The following LRRC28 variants were observed in gnomAD, a reference collection of about 807,000 sequenced individuals.
The protein encoded by LRRC28 is leucine rich repeat containing 28.
LRRC28 carries 39 observed loss-of-function variants against 45.7 expected under a neutral mutation model. The ratio of observed to expected loss-of-function variants is 0.85; its 90% CI spans 0.66 to 1.12. The LOEUF (loss-of-function observed/expected upper bound fraction) is 1.12. Among genes scored for constraint, LRRC28 ranks in the 50% most tolerant of loss-of-function variants. The pLI, the probability that LRRC28 is intolerant of heterozygous loss-of-function variation, is 0.00. For synonymous variants in LRRC28, 206 were observed against 178.8 expected, an observed-to-expected ratio of 1.15 and a Z score of -1.22; for missense variants, 435 against 438.5, an observed-to-expected ratio of 0.99 and a Z score of 0.07.
chr15:99,335,274 A>G (rs908326284), intron 6 of LRRC28, among the ~76,000 whole-genome samples: 3 of 152,210 alleles, frequency 2.0e-5, no homozygotes, highest in African/African-American at 7.2e-5. Flanking sequence ...GCCTGATTCC[A>G]CCATTTCACA....
chr15:99,358,480 A>G (rs981861014), intron 7 of LRRC28, among the ~76,000 whole-genome samples: 2 of 149,386 alleles, frequency 1.3e-5, no homozygotes, highest in African/African-American at 4.9e-5. Flanking sequence ...GAATTGCAAG[A>G]AAAAAATTGA....
intron 6 of LRRC28, among the ~76,000 whole-genome samples, chr15:99,341,577 G>T (rs1956513917): frequency 6.6e-6 from 1 of 152,146 alleles, no homozygotes; most frequent in Admixed American, 6.5e-5. Flanking sequence ...AGCTTTAAAT[G>T]AACAAATTTG....
intron 7 of LRRC28, among the ~76,000 whole-genome samples, chr15:99,358,623 C>A (rs1267983468): frequency 6.6e-6 from 1 of 151,936 alleles, no homozygotes; most frequent in Non-Finnish European, 1.5e-5. Context: ...GAAAGCAATG[C>A]CAGTGTATTT....
intron 3 of LRRC28, chr15:99,284,569 T>C (rs1597234038): frequency 2.2e-6 from 1 of 464,432 alleles, no homozygotes; most frequent in East Asian, 6.5e-5. Context: ...GTAGCTTCCC[T>C]GTCACTTCTC....
At chr15:99,368,345 T>A (rs1957395518) in intron 9 of LRRC28, among the ~76,000 whole-genome samples, 1 of 152,212 alleles carries the variant, frequency 6.6e-6, no homozygotes, top group East Asian at 1.9e-4. Flanking sequence ...TAGACATTCC[T>A]ATTCCACAAG....
chr15:99,304,968 C>CTAT (rs1955129057), intron 5 of LRRC28, among the ~76,000 whole-genome samples: 3 of 152,096 alleles, frequency 2.0e-5, no homozygotes. Context: ...CTCTTTTCAA[C>CTAT]AATATAGGGA....
chr15:99,290,243 AG>A (rs901455453), intron 5 of LRRC28, among the ~76,000 whole-genome samples: 1 of 150,436 alleles, frequency 6.6e-6, no homozygotes, highest in African/African-American at 2.4e-5. Context: ...TGGGTGACAG[AG>A]TGAGACCCTG....
chr15:99,337,307 G>A (rs971718513), intron 6 of LRRC28, among the ~76,000 whole-genome samples: 1 of 152,222 alleles, frequency 6.6e-6, no homozygotes, highest in Non-Finnish European at 1.5e-5. Context: ...GGGGAGTGAC[G>A]CTGTGTGTCA....
intron 6 of LRRC28, among the ~76,000 whole-genome samples, chr15:99,342,395 G>T (rs1001708123): frequency 3.9e-5 from 6 of 152,154 alleles, no homozygotes; most frequent in Admixed American, 1.3e-4. Context: ...AGGCAGATGC[G>T]CCTTTCAATC....
In LRRC28 at chr15:99,279,220, A is replaced by G. The variant is rs75993390; in HGVS notation, c.209+2604A>G. ...TTTCAAGGTTTATTCATGTTGTAGCAGGTATCAGAATTAATTCCTTTTTAT... is the reference window on the plus strand; with the variant it reads ...TTTCAAGGTTTATTCATGTTGTAGCGGGTATCAGAATTAATTCCTTTTTAT... On this transcript the variant is annotated intron_variant, in intron 3 of 9. Coordinates refer to ENST00000301981, the MANE Select transcript of LRRC28 (RefSeq NM_144598.5). 4.2e-3 allele frequency among the ~76,000 whole-genome samples: 637 copies of G among 152,346 alleles called. 6 individuals are homozygous for G. The highest frequency in any genetic ancestry group is 0.015 in the African/African-American group (614 of 41,582).
intron 5 of LRRC28, among the ~76,000 whole-genome samples, chr15:99,321,273 T>A (rs1233330303): frequency 1.3e-5 from 2 of 152,196 alleles, no homozygotes; most frequent in African/African-American, 4.8e-5. Flanking sequence ...AAGGGCAATA[T>A]TTATTTGCTT....
chr15:99,349,326 TAA>T (rs1329589723), intron 6 of LRRC28, among the ~76,000 whole-genome samples: 1 of 152,152 alleles, frequency 6.6e-6, no homozygotes, highest in East Asian at 1.9e-4. Flanking sequence ...AAAAATGGAC[TAA>T]AAAGTTCATA....
chr15:99,319,575 ACTTATTT>A (rs1243424535), intron 5 of LRRC28, among the ~76,000 whole-genome samples: 5 of 152,114 alleles, frequency 3.3e-5, no homozygotes, highest in Non-Finnish European at 7.4e-5. Context: ...CTGGGAAATA[ACTTATTT>A]GGAAGAATAC....
At chr15:99,255,819 G>T in intron 1 of LRRC28, 79 bp from the exon 2 acceptor site, 1 of 761,388 alleles carries the variant, frequency 1.3e-6, no homozygotes, top group Non-Finnish European at 2.0e-6. Flanking sequence ...TCTTCAAGTG[G>T]CTCTGTGTGC....
At chr15:99,257,610 A>ATCGAAAGG in intron 2 of LRRC28, 1 of 667,678 alleles carries the variant, frequency 1.5e-6, no homozygotes, top group Admixed American at 2.1e-5. Flanking sequence ...AAGGGACTTG[A>ATCGAAAGG]GACTCACCAG....
intron 1 of LRRC28, among the ~76,000 whole-genome samples, chr15:99,254,300 A>G (rs902394904): frequency 5.9e-5 from 9 of 152,254 alleles, no homozygotes; most frequent in Non-Finnish European, 8.8e-5. Context: ...ATAGTATTTC[A>G]TACTTTGCCT....
intron 2 of LRRC28, among the ~76,000 whole-genome samples, chr15:99,263,145 T>C (rs1304800863): frequency 2.9e-4 from 23 of 77,972 alleles, no homozygotes; most frequent in African/African-American, 1.1e-3. Flanking sequence ...TGCTGTCTTA[T>C]AAAAAATACA....
rs1958078100 is a variant in LRRC28 at position 99,387,962 on chromosome 15, A to G, written c.*1860A>G. On this transcript the variant is annotated 3_prime_UTR_variant, in exon 10 of 10. Coordinates refer to ENST00000301981, the MANE Select transcript of LRRC28 (RefSeq NM_144598.5). Reference sequence around the variant, plus strand: ...TCCACGTAGAATGGAGAAGGCAGAAAGTTACCGTGTGTTCCCACTGTATCT... The same window carrying G: ...TCCACGTAGAATGGAGAAGGCAGAAGGTTACCGTGTGTTCCCACTGTATCT... The G allele has an allele frequency of 6.6e-6, 1 of 152,230 alleles. No homozygotes were observed. The highest frequency in any genetic ancestry group is 1.5e-5 in the Non-Finnish European group (1 of 68,052). 9.4% of individuals were successfully genotyped at this position (152,230 alleles called of 1,614,324 possible).
At chr15:99,347,174 C>G (rs1350513175) in intron 6 of LRRC28, among the ~76,000 whole-genome samples, 8 of 151,602 alleles carry the variant, frequency 5.3e-5, no homozygotes, top group Non-Finnish European at 1.2e-4. Flanking sequence ...CATGATAACG[C>G]CTGTTTCAAT....
Sources: gnomAD v4.1 joint callset for allele counts (sites outside exome capture counted in the v4.1 genomes callset) on GRCh38, gnomAD v4.1.1 for gene constraint, MANE v1.5 for transcripts, NCBI Gene and HGNC (gene_info 2026-07-23, HGNC 2026-07-21) for gene names.